Variants in TMEM94 observed in about 807,000 individuals in gnomAD.
The protein encoded by TMEM94 is transmembrane protein 94.
In TMEM94, 81 loss-of-function variants were observed where a neutral mutation model predicts 158.6. The observed-to-expected ratio is 0.51, with a 90% confidence interval of 0.43 to 0.61. The LOEUF is 0.61. TMEM94 is among the 20% of genes least tolerant of loss of function. The pLI is 0.00. For missense variants in TMEM94, 1,435 were observed against 1,762.0 expected (o/e 0.81, Z 3.32); for synonymous variants, 751 against 730.7 (o/e 1.03, Z -0.45).
Position 75,498,072 on chromosome 17 carries a change from C to T in TMEM94, c.3490-103C>T, listed in dbSNP as rs974281287. ...CTGGGGCTTGAGCTCCCTATCCCCC[C>T]AGGCCTGACCATTTACTAAGAGCCC... On this transcript the variant is annotated intron_variant, in intron 27 of 31. Transcript: ENST00000314256. The surrounding 1 kb of genome is among the most constrained non-coding windows in gnomAD (Gnocchi z 6.7). 4.0e-6 allele frequency: 6 copies of T among 1,487,136 alleles called. No individual in the cohort carries two copies. The highest frequency in any genetic ancestry group is 4.6e-5 in the East Asian group (2 of 43,654). 92.1% of individuals were successfully genotyped at this position (1,487,136 alleles called of 1,614,324 possible).
chr17:75,471,994 G>A (rs1292500680), intron 2 of TMEM94, 65 bp downstream of exon 2: 1 of 1,560,834 alleles, frequency 6.4e-7, no homozygotes, highest in Non-Finnish European at 8.8e-7. Context: ...TTTCCTACTT[G>A]TTTTTGCCTG....
chr17:75,492,852 A>G lies in TMEM94; in HGVS notation c.1912+63A>G. ...CGCCTCCTAGAAGAGGCCCAGTACC[A>G]ACTCCTCACGGGACTTAATGGACCT... is the stretch of plus-strand genomic sequence containing the variant. On this transcript the variant is annotated intron_variant, in intron 15 of 31. Coordinates refer to ENST00000314256, the MANE Select transcript of TMEM94 (RefSeq NM_014738.6). The surrounding 1 kb of genome is among the most constrained non-coding windows in gnomAD (Gnocchi z 4.4). 5 of 1,583,844 alleles carry G rather than the reference A, an allele frequency of 3.2e-6. No homozygotes were observed. The highest frequency in any genetic ancestry group is 4.3e-6 in the Non-Finnish European group (5 of 1,164,116).
chr17:75,498,615 C>T lies in TMEM94; in HGVS notation c.3734-14C>T, dbSNP rs772595540. 1.2e-6 allele frequency: 2 copies of T among 1,612,110 alleles called. No homozygotes were observed. The highest frequency in any genetic ancestry group is 1.7e-6 in the Non-Finnish European group (2 of 1,179,066). ...TGTGGAAGTCTGACCCCCACATCGC[C>T]CCACCTTCCCCAGTCTTCATTTCCA... On this transcript the variant is annotated splice_polypyrimidine_tract_variant and intron_variant, in intron 29 of 31. Coordinates refer to ENST00000314256, the MANE Select transcript of TMEM94 (RefSeq NM_014738.6). The surrounding 1 kb of genome is among the most constrained non-coding windows in gnomAD (Gnocchi z 6.7).
At position 75,489,226 on chromosome 17, in the gene TMEM94, C is replaced by G; in HGVS notation, c.765-40C>G. 1 of 1,589,476 alleles carries G rather than the reference C, an allele frequency of 6.3e-7. No individual in the cohort carries two copies. The highest frequency in any genetic ancestry group is 1.1e-5 in the South Asian group (1 of 90,606). ...TCCTCCCAAGGTGTAGGTTTCTAGCCTCTCTGCCAAGTGAGACTGACAGTC... is the reference window on the plus strand; with the variant it reads ...TCCTCCCAAGGTGTAGGTTTCTAGCGTCTCTGCCAAGTGAGACTGACAGTC... On this transcript the variant is annotated intron_variant, in intron 7 of 31. Coordinates refer to ENST00000314256, the MANE Select transcript of TMEM94 (RefSeq NM_014738.6). The surrounding 1 kb of genome is among the most constrained non-coding windows in gnomAD (Gnocchi z 5.0).
chr17:75,483,065 T>G (rs369815583), intron 2 of TMEM94, among the ~76,000 whole-genome samples: 1 of 152,118 alleles, frequency 6.6e-6, no homozygotes, highest in East Asian at 1.9e-4. Flanking sequence ...GAGCTGAGTC[T>G]TGAAGGAGAA....
At position 75,485,270 on chromosome 17, in the gene TMEM94, T is replaced by C; in HGVS notation, c.25-158T>C. ...GTTTGTAATTTGGTGGAGATGGACA[T>C]GGTCACACCTTGAGAGGCCAGAGCT... On this transcript the variant is annotated intron_variant, in intron 2 of 31. Coordinates refer to ENST00000314256, the MANE Select transcript of TMEM94 (RefSeq NM_014738.6). The surrounding 1 kb of genome is among the most constrained non-coding windows in gnomAD (Gnocchi z 5.5). 2.8e-6 allele frequency: 2 copies of C among 715,382 alleles called. No individual in the cohort carries two copies. The highest frequency in any genetic ancestry group is 4.5e-6 in the Non-Finnish European group (2 of 441,388). The allele number at this position is 715,382 out of a possible 1,614,324, so 44.3% of individuals were successfully genotyped here.
intron 1 of TMEM94, among the ~76,000 whole-genome samples, chr17:75,461,996 G>GTTTTTTTTTTTT (rs1212545027): frequency 4.5e-5 from 3 of 66,058 alleles, no homozygotes; most frequent in South Asian, 6.3e-4. Context: ...AGTTTTTTTT[G>GTTTTTTTTTTTT]TTTTGTTTTG....
At position 75,462,828 on chromosome 17, in the gene TMEM94, A is replaced by G. The variant is rs1356375324; in HGVS notation, c.-107+6077A>G. Among the ~76,000 whole-genome samples the G allele has an allele frequency of 2.4e-5, 3 of 126,636 alleles. No individual in the cohort carries two copies. The Admixed American group carries it at 2.4e-4, about 10-fold the overall frequency. The allele number at this position is 126,636 out of a possible 152,430, so 83.1% of individuals were successfully genotyped here. On this transcript the variant is annotated intron_variant, in intron 1 of 31. Transcript: ENST00000314256. ...CAACATAGCAAGACCTTGTGTCTAC[A>G]AAAAAAAAAAAAGCTGGTCATGGTG... is the stretch of plus-strand genomic sequence containing the variant.
At chr17:75,460,413 GA>G (rs1471267569) in intron 1 of TMEM94, among the ~76,000 whole-genome samples, 2 of 152,152 alleles carry the variant, frequency 1.3e-5, no homozygotes, top group Admixed American at 1.3e-4. Flanking sequence ...CAGGTGTACT[GA>G]AAGAGCGTAA....
chr17:75,489,423 C>CG lies in TMEM94; in HGVS notation c.867+62dup, dbSNP rs767758359. 81 of 1,563,476 alleles carry CG rather than the reference C, an allele frequency of 5.2e-5. No homozygotes were observed. Among genetic ancestry groups the CG allele is most frequent in the East Asian group, 2.7e-4 (12 of 44,588 alleles). On this transcript the variant is annotated intron_variant, in intron 8 of 31. Transcript: ENST00000314256. This position sits in a 1 kb window ranked among gnomAD's most constrained non-coding sequence, Gnocchi z 5.0. ...ATGGGGCAGAGGAGAGGGCTGGACA[C>CG]GGGGGGGTCTCAGGGCCACTCACAT...
In TMEM94 at chr17:75,471,891, C is replaced by T. The variant is rs1296394158; in HGVS notation, c.-15C>T. On this transcript the variant is annotated 5_prime_UTR_variant, in exon 2 of 32. Coordinates refer to ENST00000314256, the MANE Select transcript of TMEM94 (RefSeq NM_014738.6). The stretch of plus-strand genomic sequence containing the variant: ...GACCACATTCATCTGGGCATGCCTG[C>T]AGTACTCTTGGCCCATGGACCTGAA... The T allele has an allele frequency of 6.2e-6, 10 of 1,613,890 alleles. No homozygotes were observed. Among genetic ancestry groups the T allele is most frequent in the Non-Finnish European group, 8.5e-6 (10 of 1,179,824 alleles).
intron 1 of TMEM94, among the ~76,000 whole-genome samples, chr17:75,461,862 C>T (rs1199345711): frequency 6.7e-6 from 1 of 148,344 alleles, no homozygotes; most frequent in Non-Finnish European, 1.5e-5. Flanking sequence ...TACAGTGAGT[C>T]GAGATCGTGC....
At chr17:75,486,229 G>A in intron 4 of TMEM94, 61 bp from the exon 5 acceptor site, 4 of 1,604,698 alleles carry the variant, frequency 2.5e-6, no homozygotes, top group South Asian at 1.1e-5. Context: ...TGTGGCCTGG[G>A]GGCTGCTGGG....
chr17:75,476,659 A>C (rs1319259312), intron 2 of TMEM94: 1 of 1,535,016 alleles, frequency 6.5e-7, no homozygotes, highest in East Asian at 2.4e-5. Flanking sequence ...AAGTTCTTGC[A>C]GCTGACTGCT....
chr17:75,479,008 C>T (rs187800458), intron 2 of TMEM94, among the ~76,000 whole-genome samples: 3 of 152,302 alleles, frequency 2.0e-5, no homozygotes, highest in Admixed American at 6.5e-5. Flanking sequence ...CCTGTTCCCT[C>T]GCTATGCCCT....
chr17:75,463,061 T>A (rs1567904690), intron 1 of TMEM94, among the ~76,000 whole-genome samples: 12 of 15,014 alleles, frequency 8.0e-4, no homozygotes, highest in Non-Finnish European at 1.2e-3. Flanking sequence ...TATATATATA[T>A]ATATATATAT....
At chr17:75,497,467 C>T (rs1325162054) in intron 26 of TMEM94, among the ~76,000 whole-genome samples, 4 of 151,436 alleles carry the variant, frequency 2.6e-5, no homozygotes, top group Non-Finnish European at 5.9e-5. Flanking sequence ...GATTCTCCTG[C>T]CTCAGCCCCC....
chr17:75,460,712 CT>C lies in TMEM94; in HGVS notation c.-107+3962del, dbSNP rs1198373853. ...ATTTTTTACAGAGACGGTTCTTGCC[CT>C]GTTGCCCAGGCTGGTCTCAAACTCC... On this transcript the variant is annotated intron_variant, in intron 1 of 31. Coordinates refer to ENST00000314256, the MANE Select transcript of TMEM94 (RefSeq NM_014738.6). Among the ~76,000 whole-genome samples the C allele has an allele frequency of 3.3e-5, 5 of 152,166 alleles. No homozygotes were observed. In the East Asian group the frequency reaches 9.7e-4, roughly 29 times the overall value.
Position 75,471,902 on chromosome 17 carries a change from G to A in TMEM94, c.-4G>A. ...TCTGGGCATGCCTGCAGTACTCTTG[G>A]CCCATGGACCTGAAGGAGAAGCACC... is the stretch of plus-strand genomic sequence containing the variant. On this transcript the variant is annotated 5_prime_UTR_variant, in exon 2 of 32. Transcript: ENST00000314256. 1 of 1,613,932 alleles carries A rather than the reference G, an allele frequency of 6.2e-7. No individual in the cohort carries two copies. The highest frequency in any genetic ancestry group is 1.1e-5 in the South Asian group (1 of 91,068).
Sources: gnomAD v4.1 joint callset for allele counts (sites outside exome capture counted in the v4.1 genomes callset) on GRCh38, gnomAD v4.1.1 for gene constraint, Gnocchi (gnomAD v3.1) non-coding constraint, MANE v1.5 for transcripts, NCBI Gene and HGNC (gene_info 2026-07-23, HGNC 2026-07-21) for gene names.